CEP126: variants seen among roughly 807,000 people sequenced by gnomAD.
CEP126 encodes the protein centrosomal protein 126, also known as centrosomal protein of 126 kDa.
CEP126 carries 74 observed loss-of-function variants against 107.8 expected under a neutral mutation model. The ratio of observed to expected loss-of-function variants is 0.69; its 90% CI spans 0.57 to 0.83. The LOEUF is 0.83. Ranked by LOEUF, CEP126 falls within the 40% of genes least tolerant of loss-of-function variation. The pLI is 0.00. For missense variants in CEP126, 1,237 were observed against 1,281.9 expected (o/e 0.96, Z 0.53); for synonymous variants, 449 against 446.0 (o/e 1.01, Z -0.08).
chr11:101,941,406 T>A (rs1261479263), intron 2 of CEP126, among the ~76,000 whole-genome samples: 1 of 152,206 alleles, frequency 6.6e-6, no homozygotes, highest in Admixed American at 6.5e-5. Flanking sequence ...TTTGTCCTTT[T>A]GTGAGTGGCT....
At chr11:101,975,990 A>G (rs1565366399) in intron 6 of CEP126, among the ~76,000 whole-genome samples, 1 of 152,156 alleles carries the variant, frequency 6.6e-6, no homozygotes, top group African/African-American at 2.4e-5. Context: ...ATTGATGGAC[A>G]TTTAGGTTGA....
At chr11:101,938,775 A>G (rs1356550967) in intron 2 of CEP126, among the ~76,000 whole-genome samples, 1 of 152,126 alleles carries the variant, frequency 6.6e-6, no homozygotes, top group Non-Finnish European at 1.5e-5. Flanking sequence ...TTTAATTTTT[A>G]TATCATTCAA....
chr11:101,973,993 T>C (rs1030535799), intron 6 of CEP126, among the ~76,000 whole-genome samples: 2 of 152,330 alleles, frequency 1.3e-5, no homozygotes, highest in African/African-American at 4.8e-5. Context: ...CAATTTGTGA[T>C]TGGTATTTTT....
At chr11:101,976,603 G>A (rs992944898) in intron 6 of CEP126, among the ~76,000 whole-genome samples, 1 of 152,110 alleles carries the variant, frequency 6.6e-6, no homozygotes, top group Non-Finnish European at 1.5e-5. Context: ...ATACACATAT[G>A]CATATCGATG....
rs575075522 is a variant in CEP126 at position 101,987,118 on chromosome 11, A to G, written c.3244+77A>G. On this transcript the variant is annotated intron_variant, in intron 9 of 10. Coordinates refer to ENST00000263468, the MANE Select transcript of CEP126 (RefSeq NM_020802.4). ...AATTTTAATTTAAACTTTAATTTAA[A>G]AATTGAAAAGAAAAATACAAAATAT... 5.6e-6 allele frequency: 6 copies of G among 1,070,416 alleles called. No homozygotes were observed. The East Asian group carries it at 1.6e-4, about 28-fold the overall frequency. 66.3% of individuals were successfully genotyped at this position (1,070,416 alleles called of 1,614,324 possible). A position where few individuals can be genotyped will look rare whatever the true frequency, so the allele number is the denominator to read the frequency against.
intron 10 of CEP126, among the ~76,000 whole-genome samples, chr11:101,997,057 A>G (rs1425947308): frequency 6.6e-6 from 1 of 152,208 alleles, no homozygotes; most frequent in East Asian, 1.9e-4. Flanking sequence ...TTTATTTTTG[A>G]GACGGAGTCT....
Position 101,956,647 on chromosome 11 carries a change from TC to T in CEP126, c.507-1519del, listed in dbSNP as rs1474118023. On this transcript the variant is annotated intron_variant, in intron 4 of 10. Transcript: ENST00000263468. ...CCTGTTCTACTTCTCCATCCTTACCTCCTTCATCTATCCCTCTTTTTTCCTC... is the reference window on the plus strand; with the variant it reads ...CCTGTTCTACTTCTCCATCCTTACCTCTTCATCTATCCCTCTTTTTTCCTC... The T allele has an allele frequency of 6.6e-6, 3 of 456,192 alleles. No homozygotes were observed. The Admixed American group carries it at 7.1e-5, about 11-fold the overall frequency. The allele number at this position is 456,192 out of a possible 1,614,324, so 28.3% of individuals were successfully genotyped here. A position where few individuals can be genotyped will look rare whatever the true frequency, so the allele number is the denominator to read the frequency against.
intron 4 of CEP126, among the ~76,000 whole-genome samples, chr11:101,951,603 CAGAAT>C (rs1165251104): frequency 1.3e-5 from 2 of 151,272 alleles, no homozygotes; most frequent in Non-Finnish European, 2.9e-5. Flanking sequence ...GGAGAATAGA[CAGAAT>C]AGAAGCAGAA....
At chr11:101,948,588 G>T (rs968851839) in intron 4 of CEP126, among the ~76,000 whole-genome samples, 1 of 152,064 alleles carries the variant, frequency 6.6e-6, no homozygotes, top group Non-Finnish European at 1.5e-5. Flanking sequence ...TGGTTCTTCT[G>T]CAGGATGGCA....
chr11:101,965,183 AT>A (rs1411362778), intron 6 of CEP126, among the ~76,000 whole-genome samples: 4 of 152,206 alleles, frequency 2.6e-5, no homozygotes, highest in African/African-American at 9.6e-5. Flanking sequence ...AAAGCAATAT[AT>A]TTTCCTGCCA....
rs145726246 is a variant in CEP126 at position 101,920,701 on chromosome 11, G to A, written c.129-1940G>A. On this transcript the variant is annotated intron_variant, in intron 1 of 10. Transcript: ENST00000263468. The stretch of plus-strand genomic sequence containing the variant: ...TCACTGCAGACTCAACCCCCTCCAA[G>A]CTCAAGCGATCTTCCCACATCAGCC... Among the ~76,000 whole-genome samples, 401 of 151,370 alleles carry A rather than the reference G, an allele frequency of 2.6e-3. 2 individuals carry two copies. Among genetic ancestry groups the A allele is most frequent in the African/African-American group, 9.3e-3 (384 of 41,208 alleles).
At chr11:101,916,641 C>G (rs542891009) in intron 1 of CEP126, 1 of 152,262 alleles carries the variant, frequency 6.6e-6, no homozygotes, top group Non-Finnish European at 1.5e-5. Flanking sequence ...ATTCTGGCCT[C>G]TTGACATTAT....
chr11:101,952,819 A>G (rs1162110284), intron 4 of CEP126, among the ~76,000 whole-genome samples: 3 of 152,212 alleles, frequency 2.0e-5, no homozygotes, highest in East Asian at 3.8e-4. Context: ...AATAAAGTTA[A>G]AGTCATGGCA....
At chr11:101,954,217 TG>T (rs1940854039) in intron 4 of CEP126, among the ~76,000 whole-genome samples, 1 of 152,024 alleles carries the variant, frequency 6.6e-6, no homozygotes, top group Admixed American at 6.6e-5. Context: ...TAGTAGAGAC[TG>T]GGTTTCACCA....
chr11:101,978,278 A>G, intron 6 of CEP126, 69 bp from the exon 7 acceptor site: 2 of 938,738 alleles, frequency 2.1e-6, no homozygotes, highest in Non-Finnish European at 3.3e-6. Context: ...TAACTTGAAA[A>G]TTTGCAGTGG....
chr11:101,970,430 A>G (rs978012021), intron 6 of CEP126, among the ~76,000 whole-genome samples: 3 of 152,084 alleles, frequency 2.0e-5, no homozygotes, highest in Admixed American at 2.0e-4. Context: ...TAATGAGGGG[A>G]GCATTTTTGG....
intron 3 of CEP126, 152 bp downstream of exon 3, chr11:101,944,562 T>C (rs1229225330): frequency 4.4e-6 from 3 of 687,672 alleles, no homozygotes; most frequent in Non-Finnish European, 7.1e-6. Flanking sequence ...CAAAGAAAAA[T>C]AGTCAATTGA....
At chr11:101,925,496 C>T (rs902125823) in intron 2 of CEP126, among the ~76,000 whole-genome samples, 11 of 150,876 alleles carry the variant, frequency 7.3e-5, no homozygotes, top group Non-Finnish European at 1.3e-4. Context: ...TCTGGCCGGG[C>T]GTGGTGACTC....
chr11:101,961,689 C>G, intron 5 of CEP126, 52 bp from the exon 6 acceptor site: 1 of 1,016,226 alleles, frequency 9.8e-7, no homozygotes, highest in Non-Finnish European at 1.4e-6. Flanking sequence ...AATCGTTAAT[C>G]TTGGCATTTA....
Sources: gnomAD v4.1 joint callset for allele counts (sites outside exome capture counted in the v4.1 genomes callset) on GRCh38, gnomAD v4.1.1 for gene constraint, MANE v1.5 for transcripts, NCBI Gene and HGNC (gene_info 2026-07-23, HGNC 2026-07-21) for gene names.